MRPL1: variants seen among roughly 807,000 people sequenced by gnomAD.
The protein encoded by MRPL1 is mitochondrial ribosomal protein L1.
Under a neutral mutation model 38.0 loss-of-function variants are expected in MRPL1, and 28 were observed. The observed-to-expected ratio is 0.74, with a 90% confidence interval of 0.55 to 1.01. The LOEUF is 1.01. Ranked by LOEUF, MRPL1 falls within the 50% of genes least tolerant of loss-of-function variation. The pLI is 0.00. For missense variants in MRPL1, 358 were observed against 389.8 expected (o/e 0.92, Z 0.69); for synonymous variants, 123 against 126.7 (o/e 0.97, Z 0.20).
At chr4:77,867,746 CTTTT>C (rs71214374) in intron 1 of MRPL1, among the ~76,000 whole-genome samples, 1 of 92,032 alleles carries the variant, frequency 1.1e-5, no homozygotes, top group Admixed American at 1.3e-4. Flanking sequence ...ATAGTTATTT[CTTTT>C]TTTTTTTTTT....
intron 7 of MRPL1, among the ~76,000 whole-genome samples, chr4:77,948,767 TCTTC>T: frequency 6.7e-6 from 1 of 148,492 alleles, no homozygotes. Context: ...ATCTTCTTCT[TCTTC>T]TTTTTTTTTT....
chr4:77,892,249 T>A (rs1453033975), intron 5 of MRPL1, among the ~76,000 whole-genome samples: 3 of 151,762 alleles, frequency 2.0e-5, no homozygotes, highest in Non-Finnish European at 4.4e-5. Flanking sequence ...CTCCTGAATC[T>A]GCCTCCCGAG....
chr4:77,932,555 G>C (rs1736872177), intron 7 of MRPL1, among the ~76,000 whole-genome samples: 1 of 152,028 alleles, frequency 6.6e-6, no homozygotes, highest in South Asian at 2.1e-4. Flanking sequence ...CATCCTCTTT[G>C]TGAAGGAGGG....
rs969402527 is a variant in MRPL1 at position 77,863,461 on chromosome 4, A to ATTTTTTTTTTTTTTTTTTTTTTTTTTTT, written c.31+603_31+604insTTTTTTTTTTTTTTTTTTTTTTTTTTTT. Among the ~76,000 whole-genome samples, 42 of 112,654 alleles carry ATTTTTTTTTTTTTTTTTTTTTTTTTTTT rather than the reference A, an allele frequency of 3.7e-4. 1 individual carries two copies. The highest frequency in any genetic ancestry group is 5.0e-4 in the African/African-American group (13 of 26,132). 73.9% of individuals were successfully genotyped at this position (112,654 alleles called of 152,430 possible). A position where few individuals can be genotyped will look rare whatever the true frequency, so the allele number is the denominator to read the frequency against. On this transcript the variant is annotated intron_variant, in intron 1 of 8. Coordinates refer to ENST00000315567, the MANE Select transcript of MRPL1 (RefSeq NM_020236.4). ...GATGACAGCCCTTTCTTGTGCAACA[A>ATTTTTTTTTTTTTTTTTTTTTTTTTTTT]TTTTTTTTTTTTTTTTTTTTTGAGA...
At chr4:77,882,321 A>C (rs1301991865) in intron 2 of MRPL1, among the ~76,000 whole-genome samples, 1 of 152,186 alleles carries the variant, frequency 6.6e-6, no homozygotes, top group Non-Finnish European at 1.5e-5. Flanking sequence ...TGGCTTTATT[A>C]AGGTATCATA....
chr4:77,922,805 C>T (rs185734232), intron 7 of MRPL1, among the ~76,000 whole-genome samples: 4 of 152,108 alleles, frequency 2.6e-5, no homozygotes, highest in South Asian at 2.1e-4. Context: ...AATGAATAGG[C>T]GGAAGGGTTA....
Position 77,883,504 on chromosome 4 carries a change from T to C in MRPL1, c.402+4T>C, listed in dbSNP as rs377312515. The C allele has an allele frequency of 1.3e-6, 2 of 1,588,226 alleles. No individual in the cohort carries two copies. The highest frequency in any genetic ancestry group is 1.7e-6 in the Non-Finnish European group (2 of 1,169,088). ...GGATATGGCACTGGGAAAGAAGGTA[T>C]GTAGAGTCCATTAAAATAAGTTTAC... On this transcript the variant is annotated splice_donor_region_variant and intron_variant, in intron 3 of 8. Coordinates refer to ENST00000315567, the MANE Select transcript of MRPL1 (RefSeq NM_020236.4).
chr4:77,949,534 A>G (rs1004514358), intron 7 of MRPL1, among the ~76,000 whole-genome samples: 11 of 152,072 alleles, frequency 7.2e-5, no homozygotes, highest in Non-Finnish European at 1.6e-4. Context: ...CTTTAGGGAA[A>G]TTACTTGGAA....
intron 6 of MRPL1, among the ~76,000 whole-genome samples, chr4:77,895,066 T>A (rs552688818): frequency 1.3e-5 from 2 of 152,264 alleles, no homozygotes; most frequent in African/African-American, 4.8e-5. Context: ...GGTAGATTGA[T>A]GCCGTATTGA....
In MRPL1 at chr4:77,871,853, AAAGT is replaced by A. The variant is rs765093612; in HGVS notation, c.143+4_143+7del. ...CCAACAGACATTTTGCTGCTGCTAC[AAAGT>A]AAGTATTTTTTTTTAGTTATTATTT... On this transcript the variant is annotated splice_donor_variant and coding_sequence_variant, in exon 2 of 9. Coordinates refer to ENST00000315567, the MANE Select transcript of MRPL1 (RefSeq NM_020236.4). LOFTEE classifies it high-confidence loss of function. The A allele has an allele frequency of 2.4e-5, 38 of 1,575,294 alleles. No homozygotes were observed. The highest frequency in any genetic ancestry group is 2.7e-5 in the African/African-American group (2 of 73,052).
intron 5 of MRPL1, among the ~76,000 whole-genome samples, chr4:77,891,828 A>G (rs1283231683): frequency 6.6e-6 from 1 of 152,192 alleles, no homozygotes; most frequent in Non-Finnish European, 1.5e-5. Context: ...TCTGTAGTAT[A>G]GAAAATATTA....
chr4:77,865,560 C>G (rs1735108768), intron 1 of MRPL1, among the ~76,000 whole-genome samples: 1 of 151,380 alleles, frequency 6.6e-6, no homozygotes, highest in Non-Finnish European at 1.5e-5. Flanking sequence ...GAGATGAGAT[C>G]TCACTGTGTT....
chr4:77,887,133 G>A, intron 4 of MRPL1, 87 bp from the exon 5 acceptor site: 1 of 1,055,274 alleles, frequency 9.5e-7, no homozygotes, highest in South Asian at 1.3e-5. Flanking sequence ...ACTTTGAACT[G>A]TGATATTATT....
At chr4:77,891,067 C>G (rs771454346) in intron 5 of MRPL1, among the ~76,000 whole-genome samples, 6 of 152,016 alleles carry the variant, frequency 3.9e-5, no homozygotes, top group Non-Finnish European at 2.9e-5. Flanking sequence ...GGTTGCAGAA[C>G]TAGTGGAAAG....
chr4:77,892,550 A>G (rs1377493373), intron 5 of MRPL1, among the ~76,000 whole-genome samples: 1 of 152,184 alleles, frequency 6.6e-6, no homozygotes. Flanking sequence ...ACTTGTCTCT[A>G]AGAGCTTGAT....
chr4:77,924,080 C>T (rs1736652524), intron 7 of MRPL1, among the ~76,000 whole-genome samples: 2 of 151,434 alleles, frequency 1.3e-5, no homozygotes, highest in African/African-American at 4.9e-5. Context: ...TCTTTCTGTC[C>T]TTCATGTTGA....
chr4:77,934,372 A>G (rs1736915087), intron 7 of MRPL1, among the ~76,000 whole-genome samples: 1 of 152,196 alleles, frequency 6.6e-6, no homozygotes, highest in African/African-American at 2.4e-5. Flanking sequence ...AAATAACTCA[A>G]TTTTGAAAGG....
intron 2 of MRPL1, among the ~76,000 whole-genome samples, chr4:77,874,884 C>T (rs1307236746): frequency 3.3e-5 from 5 of 150,730 alleles, no homozygotes; most frequent in Non-Finnish European, 5.9e-5. Context: ...CAGGTTCAAG[C>T]GATTCTCCTG....
intron 7 of MRPL1, among the ~76,000 whole-genome samples, chr4:77,938,865 G>A (rs62302725): frequency 0.013 from 2,043 of 152,224 alleles, 28 homozygotes; most frequent in Non-Finnish European, 0.023. Flanking sequence ...ATTTGAGTTC[G>A]TAACCCTGGA....
Sources: gnomAD v4.1 joint callset for allele counts (sites outside exome capture counted in the v4.1 genomes callset) on GRCh38, gnomAD v4.1.1 for gene constraint, MANE v1.5 for transcripts, NCBI Gene and HGNC (gene_info 2026-07-23, HGNC 2026-07-21) for gene names.